The following SHLD2 variants were observed in gnomAD, a reference collection of about 807,000 sequenced individuals.
The protein encoded by SHLD2 is RINN1-REV7-interacting novel NHEJ regulator 2.
Under a neutral mutation model 73.2 loss-of-function variants are expected in SHLD2, and 30 were observed. The ratio of observed to expected loss-of-function variants is 0.41; its 90% confidence interval spans 0.31 to 0.56. The LOEUF is 0.56. Among genes scored for constraint, SHLD2 ranks in the 20% least tolerant of loss-of-function variants. The pLI, the probability that SHLD2 is intolerant of heterozygous loss-of-function variation, is 0.28. For synonymous variants in SHLD2, 285 were observed against 370.1 expected (o/e 0.77, Z 2.64); for missense variants, 745 against 1,055.9 (o/e 0.71, Z 4.08).
intron 2 of SHLD2, among the ~76,000 whole-genome samples, chr10:87,131,859 C>T (rs994397793): frequency 1.3e-5 from 2 of 152,138 alleles, no homozygotes; most frequent in Non-Finnish European, 2.9e-5. Flanking sequence ...CCAATTTCTC[C>T]ACATTTTTGC....
intron 3 of SHLD2, among the ~76,000 whole-genome samples, chr10:87,155,316 C>G (rs1846336215): frequency 6.6e-6 from 1 of 151,908 alleles, no homozygotes; most frequent in South Asian, 2.1e-4. Flanking sequence ...GCAGTATTAG[C>G]TAATATTATT....
intron 2 of SHLD2, among the ~76,000 whole-genome samples, chr10:87,129,058 A>G (rs1392887710): frequency 6.6e-6 from 1 of 151,650 alleles, no homozygotes; most frequent in Non-Finnish European, 1.5e-5. Flanking sequence ...GGCGTGCATC[A>G]CCACGCCAAG....
At chr10:87,156,620 C>T (rs370531006) in intron 3 of SHLD2, among the ~76,000 whole-genome samples, 3 of 152,120 alleles carry the variant, frequency 2.0e-5, no homozygotes, top group East Asian at 3.9e-4. Context: ...AGCCAGGAGG[C>T]CAGGGCGGGC....
upstream of SHLD2, chr10:87,094,835 A>T: frequency 7.8e-7 from 1 of 1,281,886 alleles, no homozygotes. This position sits in a 1 kb window ranked among gnomAD's most constrained non-coding sequence, Gnocchi z 6.6. Context: ...ACTCCCCGCG[A>T]CTAGGGAGGA....
chr10:87,123,658 T>C (rs914914705), intron 2 of SHLD2, among the ~76,000 whole-genome samples: 3 of 152,226 alleles, frequency 2.0e-5, no homozygotes, highest in African/African-American at 2.4e-5. Flanking sequence ...CCAAATCTTA[T>C]GTTGAATTGT....
rs775453459 is a variant in SHLD2 at position 87,151,522 on chromosome 10, C to T, written c.168C>T (p.His56=). 8.7e-6 allele frequency: 14 copies of T among 1,610,416 alleles called. No homozygotes were observed. The African/African-American group carries it at 1.9e-4, about 22-fold the overall frequency. The part of the protein sequence containing the change: ...HSLYLKDEKQ[H]KNLENYKVPE... ...TATATCTGAAGGATGAAAAACAGCA[C>T]AAAAATCTTGAAAACTATAAAGTCC... The change falls in exon 3 of 10, where the codon CAC becomes CAT. Residue 56 remains histidine, a synonymous_variant. Transcript: ENST00000298786.
intron 2 of SHLD2, among the ~76,000 whole-genome samples, chr10:87,105,828 G>T (rs749405894): frequency 8.5e-5 from 13 of 152,150 alleles, no homozygotes; most frequent in Non-Finnish European, 1.5e-4. Context: ...TTTTCCAAAG[G>T]CCTGCCAGCT....
intron 1 of SHLD2, 150 bp from the exon 2 acceptor site, chr10:87,096,784 T>A (rs1250149406): frequency 6.6e-6 from 1 of 152,244 alleles, no homozygotes; most frequent in Non-Finnish European, 1.5e-5. Context: ...TTGTGTAAAA[T>A]ATAAGGTGAC....
Position 87,163,221 on chromosome 10 carries a change from G to T in SHLD2, c.1633+5066G>T, listed in dbSNP as rs183024330. Among the ~76,000 whole-genome samples the T allele has an allele frequency of 1.4e-3, 216 of 152,252 alleles. 1 individual carries two copies. The highest frequency in any genetic ancestry group is 6.8e-3 in the Middle Eastern group (2 of 294). The stretch of plus-strand genomic sequence containing the variant: ...AAACATAAACCCCCCAAAACTGTAT[G>T]TAGTATGCTGTCCTTCCTGTACGAA... On this transcript the variant is annotated intron_variant, in intron 4 of 9. Coordinates refer to ENST00000298786, the MANE Select transcript of SHLD2 (RefSeq NM_001330112.2).
intron 2 of SHLD2, among the ~76,000 whole-genome samples, chr10:87,110,490 C>T (rs1253070992): frequency 2.0e-5 from 3 of 151,492 alleles, no homozygotes; most frequent in Admixed American, 2.0e-4. Context: ...GTCTGTAATA[C>T]CAGCTACTCA....
chr10:87,143,760 G>GA (rs200069208), intron 2 of SHLD2, among the ~76,000 whole-genome samples: 5,103 of 151,706 alleles, frequency 0.034, 226 homozygotes, highest in Admixed American at 0.11. Flanking sequence ...CTTTGAGAAG[G>GA]AAAAAAGATA....
intron 8 of SHLD2, among the ~76,000 whole-genome samples, chr10:87,186,695 A>G (rs892352019): frequency 1.3e-5 from 2 of 152,224 alleles, no homozygotes; most frequent in African/African-American, 4.8e-5. Flanking sequence ...TTCCCTGTTT[A>G]TTGATATGCA....
At chr10:87,127,536 C>CCCCCCGCCCCCCCCGT (rs1554829065) in intron 2 of SHLD2, among the ~76,000 whole-genome samples, 1 of 65,256 alleles carries the variant, frequency 1.5e-5, no homozygotes. Flanking sequence ...CCCGCCCCCC[C>CCCCCCGCCCCCCCCGT]CCACCCCGTC....
At chr10:87,119,544 G>A (rs1843457507) in intron 2 of SHLD2, among the ~76,000 whole-genome samples, 2 of 152,034 alleles carry the variant, frequency 1.3e-5, no homozygotes, top group African/African-American at 2.4e-5. Flanking sequence ...GGTGGATCAC[G>A]AGATCAAGAG....
chr10:87,126,263 A>G (rs986174384), intron 2 of SHLD2, among the ~76,000 whole-genome samples: 42 of 152,066 alleles, frequency 2.8e-4, no homozygotes, highest in African/African-American at 9.9e-4. Context: ...ATTTTTTTGT[A>G]GGGATGGAAT....
chr10:87,095,732 G>C (rs1262316794), intron 1 of SHLD2, among the ~76,000 whole-genome samples: 4 of 152,072 alleles, frequency 2.6e-5, no homozygotes, highest in Non-Finnish European at 4.4e-5. Flanking sequence ...CGCACGTCGT[G>C]GTTGTGTCGC....
intron 4 of SHLD2, among the ~76,000 whole-genome samples, chr10:87,162,159 A>G (rs1294901807): frequency 2.0e-5 from 3 of 152,232 alleles, no homozygotes; most frequent in Non-Finnish European, 4.4e-5. Context: ...ATCATGCAAC[A>G]ACAAGAAAGA....
At chr10:87,102,704 A>G (rs372874548) in intron 2 of SHLD2, among the ~76,000 whole-genome samples, 2 of 151,912 alleles carry the variant, frequency 1.3e-5, no homozygotes, top group Admixed American at 6.6e-5. Context: ...GCAAGATTTC[A>G]TTTCAAAAAA....
At chr10:87,137,016 T>C (rs1430493280) in intron 2 of SHLD2, among the ~76,000 whole-genome samples, 3 of 152,170 alleles carry the variant, frequency 2.0e-5, no homozygotes, top group African/African-American at 7.2e-5. Flanking sequence ...TGTCTTTTTC[T>C]GGAAGTAAAA....
Sources: gnomAD v4.1 joint callset for allele counts (sites outside exome capture counted in the v4.1 genomes callset) on GRCh38, gnomAD v4.1.1 for gene constraint, Gnocchi (gnomAD v3.1) non-coding constraint, MANE v1.5 for transcripts, NCBI Gene and HGNC (gene_info 2026-07-23, HGNC 2026-07-21) for gene names.